The following SYN3 variants were observed in gnomAD, a reference collection of about 807,000 sequenced individuals.
SYN3 encodes synapsin III, also known as synapsin-3.
A neutral mutation model predicts 65.8 loss-of-function variants in SYN3; 35 were observed. The observed-to-expected ratio is 0.53, with a 90% CI of 0.41 to 0.70. The LOEUF is 0.70. SYN3 is among the 30% of genes least tolerant of loss of function. The pLI is 0.00. For missense variants in SYN3, 680 were observed against 749.0 expected, an observed-to-expected ratio of 0.91 and a Z score of 1.08; for synonymous variants, 270 against 292.9, an observed-to-expected ratio of 0.92 and a Z score of 0.80.
chr22:32,980,695 A>C lies in SYN3; in HGVS notation c.319T>G (p.Tyr107Asp). ...IDDAHTDWSK[Y>D]FHGKKVNGEI... ...CCATTCACCTTCTTCCCATGGAAAT[A>C]CTTCGACCTGTAAAGGGGAAGAAAT... The change falls in exon 3 of 14, where the codon TAT (tyrosine) becomes GAT (aspartate). Residue 107 changes from tyrosine (Y) to aspartate (D), a missense_variant. By Grantham distance (160) the Tyr-to-Asp change is radical (BLOSUM62 -3). Coordinates refer to ENST00000358763, the MANE Select transcript of SYN3 (RefSeq NM_003490.4). The C allele has an allele frequency of 6.2e-7, 1 of 1,613,930 alleles. No homozygotes were observed. The highest frequency in any genetic ancestry group is 8.5e-7 in the Non-Finnish European group (1 of 1,179,900).
chr22:32,732,232 T>C (rs982139850), intron 6 of SYN3, among the ~76,000 whole-genome samples: 1 of 152,194 alleles, frequency 6.6e-6, no homozygotes, highest in Non-Finnish European at 1.5e-5. Context: ...AATCATGGTC[T>C]TTCTCAAAGC....
At chr22:32,942,975 G>A (rs1317523546) in intron 3 of SYN3, among the ~76,000 whole-genome samples, 1 of 152,208 alleles carries the variant, frequency 6.6e-6, no homozygotes, top group Non-Finnish European at 1.5e-5. Context: ...TCTGACTGGT[G>A]TACCTGAAAG....
intron 6 of SYN3, among the ~76,000 whole-genome samples, chr22:32,782,515 C>CTTTTT (rs1265679936): frequency 2.4e-5 from 3 of 124,170 alleles, no homozygotes; most frequent in African/African-American, 6.0e-5. Flanking sequence ...CCTTGTAATT[C>CTTTTT]TTTTTTTTTT....
intron 3 of SYN3, among the ~76,000 whole-genome samples, chr22:32,967,901 C>G (rs2146924435): frequency 6.6e-6 from 1 of 152,318 alleles, no homozygotes; most frequent in Non-Finnish European, 1.5e-5. Context: ...AGTAGCCACA[C>G]AAAAGCTGAA....
chr22:32,516,050 C>G (rs1385667561), intron 13 of SYN3, among the ~76,000 whole-genome samples: 6 of 152,112 alleles, frequency 3.9e-5, no homozygotes, highest in Non-Finnish European at 5.9e-5. Flanking sequence ...CGCCCCCCTC[C>G]ACCTCCCAAA....
chr22:32,886,705 G>C (rs4451), intron 4 of SYN3, among the ~76,000 whole-genome samples: 85,276 of 152,092 alleles, frequency 0.56, 24,647 homozygotes, highest in African/African-American at 0.63. Flanking sequence ...TATTCCCTTG[G>C]CCCTGGGCAA....
intron 1 of SYN3, among the ~76,000 whole-genome samples, chr22:33,027,603 GAA>G (rs1158825314): frequency 6.8e-6 from 1 of 147,828 alleles, no homozygotes; most frequent in Non-Finnish European, 1.5e-5. Flanking sequence ...AAAAAAGAAA[GAA>G]AGAGAGAAAG....
chr22:33,037,563 C>T (rs1601944774), intron 1 of SYN3, among the ~76,000 whole-genome samples: 1 of 152,286 alleles, frequency 6.6e-6, no homozygotes, highest in Middle Eastern at 3.4e-3. Flanking sequence ...AGGCAGTTTC[C>T]CTGCACTCTC....
At chr22:32,883,301 A>C (rs1019510223) in intron 4 of SYN3, among the ~76,000 whole-genome samples, 3 of 152,186 alleles carry the variant, frequency 2.0e-5, no homozygotes, top group African/African-American at 4.8e-5. Flanking sequence ...TCCACTGTGG[A>C]CAGGAAACTG....
intron 7 of SYN3, among the ~76,000 whole-genome samples, chr22:32,591,997 T>A (rs1385581549): frequency 6.6e-6 from 1 of 152,196 alleles, no homozygotes; most frequent in Non-Finnish European, 1.5e-5. Flanking sequence ...TTATTCTACT[T>A]CATAGTGGCC....
At chr22:32,831,482 C>T (rs1395754008) in intron 6 of SYN3, among the ~76,000 whole-genome samples, 1 of 152,126 alleles carries the variant, frequency 6.6e-6, no homozygotes, top group Non-Finnish European at 1.5e-5. Flanking sequence ...TGGCTGTGCA[C>T]ATCTCCACTT....
rs186676426 is a variant in SYN3, at chr22:32,625,301, T to C, written c.712-28565A>G. On this transcript the variant is annotated intron_variant, in intron 6 of 13. Transcript: ENST00000358763. ...AAGTGAGGGATTTCATACAAAACTG[T>C]GGATATGGGGCTTTTTGGAACAATG... Among the ~76,000 whole-genome samples the C allele has an allele frequency of 1.1e-4, 17 of 152,290 alleles. No homozygotes were observed. In the East Asian group the frequency reaches 3.1e-3, roughly 28 times the overall value.
chr22:32,941,120 A>T (rs1422695268), intron 3 of SYN3, among the ~76,000 whole-genome samples: 1 of 152,190 alleles, frequency 6.6e-6, no homozygotes, highest in Non-Finnish European at 1.5e-5. Context: ...TTAAAAAAAA[A>T]GTTTTATTAA....
chr22:32,990,182 G>A (rs902980365), intron 2 of SYN3, among the ~76,000 whole-genome samples: 1 of 152,160 alleles, frequency 6.6e-6, no homozygotes, highest in African/African-American at 2.4e-5. Context: ...GTTTGGCAAG[G>A]GAAAGTGGAG....
chr22:32,708,219 C>T (rs1445026409), intron 6 of SYN3, among the ~76,000 whole-genome samples: 10 of 152,292 alleles, frequency 6.6e-5, no homozygotes, highest in Admixed American at 3.3e-4. Context: ...GCAGTCTACA[C>T]GGATGATGAA....
chr22:33,006,908 T>C (rs2053214316), intron 1 of SYN3, 84 bp from the exon 2 acceptor site: 1 of 370,110 alleles, frequency 2.7e-6, no homozygotes, highest in South Asian at 1.0e-4. Flanking sequence ...CCTGCCCCAC[T>C]GCAGGTGGTA....
chr22:33,031,391 G>A (rs1229328639), intron 1 of SYN3, among the ~76,000 whole-genome samples: 2 of 151,774 alleles, frequency 1.3e-5, no homozygotes, highest in Non-Finnish European at 2.9e-5. Context: ...CCCAGACCCC[G>A]ACCACCACCA....
intron 6 of SYN3, among the ~76,000 whole-genome samples, chr22:32,802,438 G>T (rs2046614884): frequency 6.6e-6 from 1 of 152,076 alleles, no homozygotes; most frequent in South Asian, 2.1e-4. Flanking sequence ...CGGAGGAAGG[G>T]CTAGAAGAGA....
At chr22:32,530,829 C>T (rs907378547) in intron 10 of SYN3, among the ~76,000 whole-genome samples, 2 of 151,904 alleles carry the variant, frequency 1.3e-5, no homozygotes, top group Non-Finnish European at 2.9e-5. Context: ...ACGGTGAAAC[C>T]CCGTCTCTAC....
Sources: gnomAD v4.1 joint callset for allele counts (sites outside exome capture counted in the v4.1 genomes callset) on GRCh38, gnomAD v4.1.1 for gene constraint, MANE v1.5 for transcripts, NCBI Gene and HGNC (gene_info 2026-07-23, HGNC 2026-07-21) for gene names.